The following FGGY variants were observed in gnomAD, a reference collection of about 807,000 sequenced individuals.
FGGY encodes FGGY carbohydrate kinase domain containing.
In FGGY, 72 loss-of-function variants were observed where a neutral mutation model predicts 71.3. The observed-to-expected ratio is 1.01, with a 90% CI of 0.84 to 1.23. FGGY has a LOEUF of 1.23. FGGY is among the 50% of genes most tolerant of loss of function. The pLI, the probability that FGGY is intolerant of heterozygous loss-of-function variation, is 0.00. For synonymous variants in FGGY, 251 were observed against 250.3 expected, an observed-to-expected ratio of 1.00 and a Z score of -0.02; for missense variants, 668 against 682.3, an observed-to-expected ratio of 0.98 and a Z score of 0.23.
chr1:59,387,129 CAGG>C (rs944800802), intron 5 of FGGY, among the ~76,000 whole-genome samples: 23 of 151,914 alleles, frequency 1.5e-4, no homozygotes, highest in African/African-American at 5.1e-4. Context: ...ACCAGTCTGT[CAGG>C]AGATGATTAT....
intron 4 of FGGY, among the ~76,000 whole-genome samples, chr1:59,350,284 TC>T (rs936367041): frequency 2.6e-5 from 4 of 152,094 alleles, no homozygotes; most frequent in Admixed American, 2.6e-4. Context: ...CAGCACACAG[TC>T]CACTAGGGAT....
chr1:59,610,908 C>T (rs1007006304), intron 9 of FGGY, among the ~76,000 whole-genome samples: 1 of 152,390 alleles, frequency 6.6e-6, no homozygotes, highest in Middle Eastern at 3.4e-3. Context: ...CAGAGCCTTG[C>T]TCACTGCCAG....
intron 5 of FGGY, among the ~76,000 whole-genome samples, chr1:59,426,199 G>C (rs1453927365): frequency 6.6e-6 from 1 of 152,138 alleles, no homozygotes; most frequent in East Asian, 1.9e-4. Flanking sequence ...TTAGTCAGCA[G>C]CTCCCAGTTC....
chr1:59,668,307 C>T (rs2153971832), intron 13 of FGGY, among the ~76,000 whole-genome samples: 1 of 152,280 alleles, frequency 6.6e-6, no homozygotes, highest in South Asian at 2.1e-4. Context: ...ACTGGAGACC[C>T]ATTCTCTCCC....
chr1:59,576,653 TACAGACAG>T (rs869282788), intron 8 of FGGY, among the ~76,000 whole-genome samples: 1 of 106,820 alleles, frequency 9.4e-6, no homozygotes, highest in Non-Finnish European at 1.8e-5. Context: ...TGCTAGAGAT[TACAGACAG>T]ACAGACAGAC....
chr1:59,664,438 A>T (rs1303871284), intron 12 of FGGY, among the ~76,000 whole-genome samples: 3 of 152,224 alleles, frequency 2.0e-5, no homozygotes, highest in Non-Finnish European at 4.4e-5. Flanking sequence ...AGTGCCTCTC[A>T]TTCGGATCAT....
At chr1:59,659,248 T>C (rs977186899) in intron 11 of FGGY, among the ~76,000 whole-genome samples, 2 of 152,102 alleles carry the variant, frequency 1.3e-5, no homozygotes, top group Non-Finnish European at 2.9e-5. Context: ...AACTGAATGG[T>C]GCCTGTGCAC....
chr1:59,500,399 C>T (rs1000769349), intron 6 of FGGY, among the ~76,000 whole-genome samples: 30 of 152,086 alleles, frequency 2.0e-4, no homozygotes, highest in African/African-American at 7.0e-4. Flanking sequence ...GACAGGCAGA[C>T]ACTGTGGTTC....
At chr1:59,490,951 A>G in intron 6 of FGGY, among the ~76,000 whole-genome samples, 1 of 151,382 alleles carries the variant, frequency 6.6e-6, no homozygotes, top group African/African-American at 2.4e-5. Context: ...TATACTTTGA[A>G]GTCTGAAAAT....
At chr1:59,498,570 G>C (rs2094121597) in intron 6 of FGGY, among the ~76,000 whole-genome samples, 1 of 152,058 alleles carries the variant, frequency 6.6e-6, no homozygotes. Flanking sequence ...ACCTGGTGAG[G>C]GAGGATGGCT....
intron 6 of FGGY, 66 bp downstream of exon 6, chr1:59,457,142 T>C (rs1006966085): frequency 8.5e-7 from 1 of 1,179,820 alleles, no homozygotes; most frequent in Non-Finnish European, 1.3e-6. Context: ...TTTGTTGTTA[T>C]TGTGGTTTGT....
chr1:59,538,319 G>T (rs1035966601), intron 7 of FGGY, among the ~76,000 whole-genome samples: 4 of 150,502 alleles, frequency 2.7e-5, no homozygotes, highest in African/African-American at 9.7e-5. Flanking sequence ...AGTTAGAATG[G>T]CAATCATTAA....
chr1:59,463,441 C>A (rs1366869103), intron 6 of FGGY, among the ~76,000 whole-genome samples: 1 of 152,110 alleles, frequency 6.6e-6, no homozygotes, highest in Non-Finnish European at 1.5e-5. Context: ...TGCTAGGAAG[C>A]AACTGCATCA....
chr1:59,746,315 G>T (rs964426328), intron 14 of FGGY, among the ~76,000 whole-genome samples: 5 of 152,156 alleles, frequency 3.3e-5, no homozygotes, highest in Admixed American at 3.3e-4. Context: ...TGAGAATAAT[G>T]ACTGTTATCA....
intron 14 of FGGY, among the ~76,000 whole-genome samples, chr1:59,707,590 G>C (rs1486926429): frequency 6.6e-6 from 1 of 152,220 alleles, no homozygotes; most frequent in Non-Finnish European, 1.5e-5. Flanking sequence ...CCAAAACACA[G>C]CCATAAATAG....
intron 8 of FGGY, among the ~76,000 whole-genome samples, chr1:59,566,639 G>C (rs1040083438): frequency 6.6e-6 from 1 of 152,084 alleles, no homozygotes; most frequent in Non-Finnish European, 1.5e-5. Flanking sequence ...AAGTTCAGAT[G>C]AGACAATGAG....
At chr1:59,538,050 C>T (rs996581983) in intron 7 of FGGY, among the ~76,000 whole-genome samples, 2 of 152,054 alleles carry the variant, frequency 1.3e-5, no homozygotes, top group African/African-American at 4.8e-5. Flanking sequence ...TACCATCAGA[C>T]TGAACAGGCA....
At chr1:59,579,990 C>T (rs916215028) in intron 8 of FGGY, among the ~76,000 whole-genome samples, 3 of 152,134 alleles carry the variant, frequency 2.0e-5, no homozygotes, top group African/African-American at 7.2e-5. Context: ...ACACCTCTGC[C>T]ACAGGGCCTT....
intron 4 of FGGY, among the ~76,000 whole-genome samples, chr1:59,366,477 G>C (rs7539127): frequency 0.31 from 46,875 of 151,726 alleles, 7,460 homozygotes; most frequent in East Asian, 0.41. Context: ...CCCTTTCCCC[G>C]CTCTGAGCCC....
Sources: allele counts gnomAD v4.1 joint callset (sites outside exome capture counted in the v4.1 genomes callset), GRCh38; gene constraint gnomAD v4.1.1; transcripts MANE v1.5; gene names NCBI Gene and HGNC (gene_info 2026-07-23, HGNC 2026-07-21).